The following TMTC1 variants were observed in gnomAD, a reference collection of about 807,000 sequenced individuals.
TMTC1 encodes transmembrane O-mannosyltransferase targeting cadherins 1, also known as protein O-mannosyl-transferase TMTC1.
Under a neutral mutation model 104.8 loss-of-function variants are expected in TMTC1, and 73 were observed. The observed-to-expected ratio is 0.70, with a 90% CI of 0.58 to 0.85. The LOEUF (loss-of-function observed/expected upper bound fraction) is 0.85. TMTC1 is among the 40% of genes least tolerant of loss of function. The pLI is 0.00. For synonymous variants in TMTC1, 434 were observed against 428.7 expected, an observed-to-expected ratio of 1.01 and a Z score of -0.15; for missense variants, 1,035 against 1,096.1, an observed-to-expected ratio of 0.94 and a Z score of 0.79.
chr12:29,607,799 T>G (rs1176103680), intron 6 of TMTC1, among the ~76,000 whole-genome samples: 1 of 152,188 alleles, frequency 6.6e-6, no homozygotes, highest in African/African-American at 2.4e-5. Context: ...GAGGCAAGTA[T>G]GCCTGAGCGT....
At chr12:29,535,100 C>A (rs1195261291) in intron 11 of TMTC1, 4 of 152,316 alleles carry the variant, frequency 2.6e-5, no homozygotes, top group Admixed American at 2.6e-4. Context: ...AACAACCAGC[C>A]TGTCAGAGGC....
intron 6 of TMTC1, among the ~76,000 whole-genome samples, chr12:29,612,073 A>C (rs1946859715): frequency 6.6e-6 from 1 of 152,154 alleles, no homozygotes; most frequent in African/African-American, 2.4e-5. Context: ...GTCACTCTAA[A>C]GCCTGTCCTC....
In TMTC1 at chr12:29,767,844, G is replaced by A. The variant is rs141714667; in HGVS notation, c.480+54C>T. Reference sequence around the variant, plus strand: ...TATGTGTGTGTATACACGTATACACGTATACATACACACATTCATATTCGT... The same window carrying A: ...TATGTGTGTGTATACACGTATACACATATACATACACACATTCATATTCGT... On this transcript the variant is annotated intron_variant, in intron 2 of 17. Transcript: ENST00000539277. The A allele has an allele frequency of 5.0e-4, 746 of 1,506,372 alleles. 4 individuals carry two copies. In the African/African-American group the frequency reaches 8.1e-3, roughly 16 times the overall value. 93.3% of individuals were successfully genotyped at this position (1,506,372 alleles called of 1,614,324 possible).
chr12:29,507,741 T>C (rs982390303), intron 17 of TMTC1, among the ~76,000 whole-genome samples: 2 of 152,202 alleles, frequency 1.3e-5, no homozygotes, highest in Non-Finnish European at 2.9e-5. Context: ...TCACAGCTAT[T>C]AGCTTTTTTC....
chr12:29,640,754 G>A (rs1351658526), intron 5 of TMTC1: 1 of 152,264 alleles, frequency 6.6e-6, no homozygotes, highest in Admixed American at 6.5e-5. Flanking sequence ...CAGTTTGAAC[G>A]GGGTGAGAAG....
At chr12:29,703,481 C>T (rs2216979) in intron 5 of TMTC1, among the ~76,000 whole-genome samples, 86,845 of 151,988 alleles carry the variant, frequency 0.57, 25,051 homozygotes, top group Admixed American at 0.68. Flanking sequence ...ATACCACCTG[C>T]GAAATACTAC....
At chr12:29,587,114 C>T (rs924006002) in intron 7 of TMTC1, among the ~76,000 whole-genome samples, 1 of 152,036 alleles carries the variant, frequency 6.6e-6, no homozygotes, top group Non-Finnish European at 1.5e-5. Flanking sequence ...AATTTCAGAG[C>T]CTGTTATTGG....
rs1943590032 is a variant in TMTC1, at chr12:29,501,457, T to C, written c.*5389A>G. The C allele has an allele frequency of 6.6e-6, 1 of 152,082 alleles. No homozygotes were observed. The highest frequency in any genetic ancestry group is 1.5e-5 in the Non-Finnish European group (1 of 68,002). The allele number at this position is 152,082 out of a possible 1,614,324, so 9.4% of individuals were successfully genotyped here. On this transcript the variant is annotated 3_prime_UTR_variant, in exon 18 of 18. Transcript: ENST00000539277. ...GGTGGTAAACATGACTGGGAGACAA[T>C]GGCTAACTTGCCCCAGGTAAGGTGG... is the stretch of plus-strand genomic sequence containing the variant.
In TMTC1 at chr12:29,509,107, C is replaced by T. The variant is rs868452613; in HGVS notation, c.2509-2121G>A. ...CTCAGTAGCCATGTGTAGCTAGTGG[C>T]TACTGCCTCGGACAGGGCAGCTACT... On this transcript the variant is annotated intron_variant, in intron 17 of 17. Coordinates refer to ENST00000539277, the MANE Select transcript of TMTC1 (RefSeq NM_001193451.2). Among the ~76,000 whole-genome samples the T allele has an allele frequency of 3.5e-4, 53 of 152,266 alleles. 1 individual carries two copies. The South Asian group carries it at 5.6e-3, about 16-fold the overall frequency.
At chr12:29,590,590 G>T (rs967357292) in intron 7 of TMTC1, among the ~76,000 whole-genome samples, 1 of 152,152 alleles carries the variant, frequency 6.6e-6, no homozygotes, top group Admixed American at 6.5e-5. Context: ...TTTGAGACCA[G>T]CCTGATCAAC....
At chr12:29,617,889 A>C (rs1947029496) in intron 6 of TMTC1, among the ~76,000 whole-genome samples, 1 of 152,204 alleles carries the variant, frequency 6.6e-6, no homozygotes, top group South Asian at 2.1e-4. Context: ...CAGAGAAATA[A>C]GGAGCCACCA....
intron 5 of TMTC1, among the ~76,000 whole-genome samples, chr12:29,654,507 T>A (rs1317359033): frequency 1.3e-5 from 2 of 152,210 alleles, no homozygotes; most frequent in African/African-American, 4.8e-5. Context: ...CTGGTAGGAA[T>A]GTAAAATGGT....
At chr12:29,557,126 T>C (rs963718666) in intron 9 of TMTC1, 126 bp from the exon 10 acceptor site, 2 of 1,101,450 alleles carry the variant, frequency 1.8e-6, no homozygotes, top group Non-Finnish European at 2.6e-6. Flanking sequence ...TGTACTTGAA[T>C]GGTTTGTGTC....
intron 7 of TMTC1, among the ~76,000 whole-genome samples, chr12:29,597,893 T>C (rs1209223604): frequency 6.6e-6 from 1 of 152,114 alleles, no homozygotes; most frequent in African/African-American, 2.4e-5. Flanking sequence ...ATACCAGAAA[T>C]ATAGGAAAGA....
At chr12:29,639,508 A>G (rs1266007343) in intron 5 of TMTC1, among the ~76,000 whole-genome samples, 1 of 152,252 alleles carries the variant, frequency 6.6e-6, no homozygotes, top group Non-Finnish European at 1.5e-5. Context: ...AGTGAGGATG[A>G]GCAATTAGAA....
intron 9 of TMTC1, among the ~76,000 whole-genome samples, chr12:29,557,715 G>T (rs1339195370): frequency 6.7e-6 from 1 of 148,680 alleles, no homozygotes; most frequent in Non-Finnish European, 1.5e-5. Context: ...CTCCCAAAGT[G>T]CTGGGATTAC....
chr12:29,677,926 TA>T (rs1380632983), intron 5 of TMTC1, among the ~76,000 whole-genome samples: 3 of 152,270 alleles, frequency 2.0e-5, no homozygotes. Context: ...ATTTATAAAT[TA>T]AACTTCATCA....
chr12:29,647,933 CA>C (rs1939341655), intron 5 of TMTC1, among the ~76,000 whole-genome samples: 1 of 152,138 alleles, frequency 6.6e-6, no homozygotes, highest in Non-Finnish European at 1.5e-5. Flanking sequence ...ACTGGTAAGA[CA>C]AAACCAATTT....
intron 5 of TMTC1, among the ~76,000 whole-genome samples, chr12:29,693,153 CA>C (rs1400961371): frequency 6.9e-6 from 1 of 144,548 alleles, no homozygotes; most frequent in Non-Finnish European, 1.5e-5. Context: ...TTATGAGGTA[CA>C]GAGGGATATT....
Sources: gnomAD v4.1 joint callset for allele counts (sites outside exome capture counted in the v4.1 genomes callset) on GRCh38, gnomAD v4.1.1 for gene constraint, MANE v1.5 for transcripts, NCBI Gene and HGNC (gene_info 2026-07-23, HGNC 2026-07-21) for gene names.